NEGR1: variants seen among roughly 807,000 people sequenced by gnomAD.
NEGR1 encodes the protein IgLON family member 4.
A neutral mutation model predicts 40.9 loss-of-function variants in NEGR1; 10 were observed. That is an observed-to-expected ratio of 0.24 (90% CI 0.15 to 0.42). The LOEUF (loss-of-function observed/expected upper bound fraction) is 0.42. NEGR1 is among the 10% of genes least tolerant of loss of function. NEGR1 has a pLI of 1.00. For synonymous variants in NEGR1, 185 were observed against 166.8 expected (o/e 1.11, Z -0.84); for missense variants, 352 against 438.9 (o/e 0.80, Z 1.77).
intron 1 of NEGR1, among the ~76,000 whole-genome samples, chr1:71,940,408 A>G (rs1383163422): frequency 1.3e-5 from 2 of 152,186 alleles, no homozygotes. Context: ...ACACTATACC[A>G]AATATCATGA....
chr1:71,542,246 C>A (rs1238370711), intron 6 of NEGR1, among the ~76,000 whole-genome samples: 1 of 151,668 alleles, frequency 6.6e-6, no homozygotes, highest in Non-Finnish European at 1.5e-5. Flanking sequence ...TTGGAAAAAG[C>A]CTCTCTGAGA....
chr1:72,121,542 G>A (rs1281988887), intron 1 of NEGR1, among the ~76,000 whole-genome samples: 1 of 151,756 alleles, frequency 6.6e-6, no homozygotes, highest in African/African-American at 2.4e-5. Flanking sequence ...AGAGTGTAAA[G>A]GTACAGAAAG....
intron 4 of NEGR1, 106 bp from the exon 5 acceptor site, chr1:71,611,252 T>C: frequency 2.0e-6 from 2 of 1,005,702 alleles, no homozygotes; most frequent in Non-Finnish European, 2.9e-6. Flanking sequence ...AAAGCAATCT[T>C]ATGCCTGATA....
At chr1:71,623,717 G>A (rs947782049) in intron 4 of NEGR1, among the ~76,000 whole-genome samples, 4 of 151,902 alleles carry the variant, frequency 2.6e-5, no homozygotes, top group African/African-American at 9.7e-5. Flanking sequence ...AAAGAAATCA[G>A]AAGATGTGGG....
intron 6 of NEGR1, among the ~76,000 whole-genome samples, chr1:71,472,120 T>C (rs1423101685): frequency 1.3e-5 from 2 of 152,138 alleles, no homozygotes; most frequent in African/African-American, 2.4e-5. Flanking sequence ...ACATTTGAGA[T>C]TGGATGATCT....
At chr1:72,171,710 A>T (rs974371546) in intron 1 of NEGR1, among the ~76,000 whole-genome samples, 2 of 152,198 alleles carry the variant, frequency 1.3e-5, no homozygotes, top group Non-Finnish European at 2.9e-5. Flanking sequence ...TTGAATTTTG[A>T]GTAAACTATT....
chr1:71,687,596 T>C (rs187474031), intron 4 of NEGR1, among the ~76,000 whole-genome samples: 1 of 152,210 alleles, frequency 6.6e-6, no homozygotes, highest in African/African-American at 2.4e-5. Context: ...TTATTGTAAT[T>C]GTTTTCTCTA....
At chr1:72,065,832 G>A (rs1210226475) in intron 1 of NEGR1, among the ~76,000 whole-genome samples, 1 of 152,070 alleles carries the variant, frequency 6.6e-6, no homozygotes, top group Non-Finnish European at 1.5e-5. Flanking sequence ...ATGAGACCCT[G>A]CTTTTAATTC....
chr1:71,587,075 G>A (rs970054947), intron 6 of NEGR1, among the ~76,000 whole-genome samples: 7 of 152,016 alleles, frequency 4.6e-5, no homozygotes, highest in African/African-American at 1.4e-4. Flanking sequence ...TCTCCTTTAA[G>A]TTGCAAGAGG....
chr1:71,700,478 A>C (rs2101631307), intron 3 of NEGR1, among the ~76,000 whole-genome samples: 1 of 152,138 alleles, frequency 6.6e-6, no homozygotes, highest in African/African-American at 2.4e-5. Flanking sequence ...TTAATATCTG[A>C]AAGATGCTAT....
At chr1:71,695,914 A>T (rs1653460947) in intron 4 of NEGR1, among the ~76,000 whole-genome samples, 1 of 151,788 alleles carries the variant, frequency 6.6e-6, no homozygotes. Context: ...AGTTTTCCAA[A>T]GCTCAGGATG....
chr1:71,766,135 T>C (rs1026300331), intron 3 of NEGR1, among the ~76,000 whole-genome samples: 2 of 141,590 alleles, frequency 1.4e-5, no homozygotes, highest in African/African-American at 5.3e-5. Flanking sequence ...ATCGTGCCAC[T>C]GCACTCCAGC....
chr1:71,427,304 C>T (rs1335955868), intron 6 of NEGR1, among the ~76,000 whole-genome samples: 3 of 152,132 alleles, frequency 2.0e-5, no homozygotes, highest in African/African-American at 7.2e-5. Context: ...AGTCAATAGC[C>T]GTGCCAATAG....
At chr1:71,576,135 C>T (rs879923918) in intron 6 of NEGR1, among the ~76,000 whole-genome samples, 39 of 152,248 alleles carry the variant, frequency 2.6e-4, no homozygotes, top group Middle Eastern at 6.8e-3. Flanking sequence ...TCCCAGAGCA[C>T]AGAATGAGTG....
At chr1:72,149,301 C>A (rs749475062) in intron 1 of NEGR1, among the ~76,000 whole-genome samples, 1 of 152,068 alleles carries the variant, frequency 6.6e-6, no homozygotes, top group Non-Finnish European at 1.5e-5. Context: ...AACTACCTCC[C>A]CCTGGGTCCC....
At chr1:71,574,829 G>A (rs1056702431) in intron 6 of NEGR1, among the ~76,000 whole-genome samples, 1 of 151,996 alleles carries the variant, frequency 6.6e-6, no homozygotes, top group Admixed American at 6.6e-5. Context: ...TGCCTTATTC[G>A]GTGAAGATAA....
chr1:72,034,566 A>T (rs1158924421), intron 1 of NEGR1, among the ~76,000 whole-genome samples: 1 of 152,192 alleles, frequency 6.6e-6, no homozygotes, highest in Non-Finnish European at 1.5e-5. Context: ...TAGATAAAGC[A>T]GGTAAAAAAA....
chr1:71,924,771 TTAC>T (rs1447710439), intron 2 of NEGR1, among the ~76,000 whole-genome samples: 1 of 152,198 alleles, frequency 6.6e-6, no homozygotes, highest in Non-Finnish European at 1.5e-5. Flanking sequence ...TTGTTACTTT[TTAC>T]TACAACACGC....
intron 6 of NEGR1, among the ~76,000 whole-genome samples, chr1:71,508,361 G>A (rs144403277): frequency 7.4e-4 from 113 of 152,268 alleles, no homozygotes; most frequent in Non-Finnish European, 1.1e-3. Context: ...GAAAGTGCAC[G>A]GGTCACCTGA....
Sources: gnomAD v4.1 joint callset for allele counts (sites outside exome capture counted in the v4.1 genomes callset) on GRCh38, gnomAD v4.1.1 for gene constraint, MANE v1.5 for transcripts, NCBI Gene and HGNC (gene_info 2026-07-23, HGNC 2026-07-21) for gene names.